MTA3: variants seen among roughly 807,000 people sequenced by gnomAD.
MTA3 encodes the protein metastasis-associated protein MTA3.
MTA3 carries 34 observed loss-of-function variants against 83.5 expected under a neutral mutation model. The ratio of observed to expected loss-of-function variants is 0.41; its 90% CI spans 0.31 to 0.54. MTA3 has a LOEUF of 0.54. Among genes scored for constraint, MTA3 ranks in the 20% least tolerant of loss-of-function variants. The pLI is 0.33. For synonymous variants in MTA3, 303 were observed against 252.7 expected, an observed-to-expected ratio of 1.20 and a Z score of -1.89; for missense variants, 761 against 726.4, an observed-to-expected ratio of 1.05 and a Z score of -0.55.
At chr2:42,693,117 C>T (rs907911435) in intron 9 of MTA3, among the ~76,000 whole-genome samples, 2 of 152,112 alleles carry the variant, frequency 1.3e-5, no homozygotes, top group East Asian at 3.9e-4. Context: ...CCTCCCCCTC[C>T]TTCCTTCTCT....
chr2:42,560,360 C>T (rs559752939), intron 2 of MTA3, among the ~76,000 whole-genome samples: 2 of 151,518 alleles, frequency 1.3e-5, no homozygotes, highest in South Asian at 4.2e-4. Flanking sequence ...AAAAACAAAT[C>T]AAGCTGTGGT....
At chr2:42,711,041 C>T (rs4953580) in intron 14 of MTA3, among the ~76,000 whole-genome samples, 120,578 of 152,068 alleles carry the variant, frequency 0.79, 48,688 homozygotes, top group African/African-American at 0.95. Flanking sequence ...ATCATGCCAC[C>T]GCACTCCAGC....
intron 2 of MTA3, among the ~76,000 whole-genome samples, chr2:42,505,157 G>A (rs140541959): frequency 4.9e-4 from 74 of 152,252 alleles, no homozygotes; most frequent in African/African-American, 1.6e-3. Context: ...ACTTTGGGAG[G>A]CTGAGGTGGG....
At chr2:42,724,647 C>G (rs1335419451) in intron 16 of MTA3, among the ~76,000 whole-genome samples, 1 of 152,042 alleles carries the variant, frequency 6.6e-6, no homozygotes, top group Non-Finnish European at 1.5e-5. Context: ...CACACACACA[C>G]ACACACACAC....
chr2:42,614,929 A>G (rs1684667850), intron 4 of MTA3, among the ~76,000 whole-genome samples: 1 of 150,344 alleles, frequency 6.7e-6, no homozygotes, highest in African/African-American at 2.4e-5. Context: ...GTGAGCCATG[A>G]TTGTGACACT....
chr2:42,696,461 G>A (rs188385101), intron 10 of MTA3, among the ~76,000 whole-genome samples: 18 of 152,092 alleles, frequency 1.2e-4, no homozygotes, highest in East Asian at 1.2e-3. Context: ...AAATGACATC[G>A]GTCAATACTT....
At chr2:42,678,490 A>C (rs1163420995) in intron 8 of MTA3, among the ~76,000 whole-genome samples, 1 of 152,016 alleles carries the variant, frequency 6.6e-6, no homozygotes, top group Non-Finnish European at 1.5e-5. Context: ...GGTGACTGCC[A>C]CCACACCCAG....
intron 2 of MTA3, among the ~76,000 whole-genome samples, chr2:42,524,092 A>G (rs1039742809): frequency 1.3e-5 from 2 of 152,116 alleles, no homozygotes; most frequent in Non-Finnish European, 2.9e-5. Flanking sequence ...GGCCATCCTA[A>G]GAAACATCTT....
At chr2:42,668,876 CA>C (rs1408854947) in intron 8 of MTA3, among the ~76,000 whole-genome samples, 1 of 152,078 alleles carries the variant, frequency 6.6e-6, no homozygotes, top group African/African-American at 2.4e-5. Context: ...AATTTCCCAT[CA>C]AGAATAACTT....
At chr2:42,619,683 G>T (rs1302419574) in intron 4 of MTA3, among the ~76,000 whole-genome samples, 1 of 152,158 alleles carries the variant, frequency 6.6e-6, no homozygotes. Flanking sequence ...AAAAGGGAAG[G>T]ACTAACAACA....
intron 2 of MTA3, among the ~76,000 whole-genome samples, chr2:42,555,733 A>C (rs1273532837): frequency 6.6e-6 from 1 of 151,912 alleles, no homozygotes; most frequent in Non-Finnish European, 1.5e-5. Flanking sequence ...GTGCTACTGC[A>C]TTCCAGCCTG....
chr2:42,619,125 A>C (rs2104173172), intron 4 of MTA3, among the ~76,000 whole-genome samples: 1 of 152,364 alleles, frequency 6.6e-6, no homozygotes, highest in Admixed American at 6.5e-5. Flanking sequence ...GAACAACGGA[A>C]CAGCAAGAGG....
At chr2:42,653,289 C>T (rs949633742) in intron 6 of MTA3, among the ~76,000 whole-genome samples, 7 of 151,800 alleles carry the variant, frequency 4.6e-5, no homozygotes, top group African/African-American at 1.2e-4. Flanking sequence ...GATTATCATA[C>T]GTGGAGGAGG....
At chr2:42,510,641 T>G (rs1674855918) in intron 2 of MTA3, among the ~76,000 whole-genome samples, 1 of 152,196 alleles carries the variant, frequency 6.6e-6, no homozygotes, top group Admixed American at 6.6e-5. Flanking sequence ...GCTTAGAAAC[T>G]ATAGAAAATA....
rs753831592 is a variant in MTA3 at position 42,682,446 on chromosome 2, A to C, written c.748A>C (p.Ser250Arg). 1.2e-5 allele frequency: 20 copies of C among 1,611,852 alleles called. No homozygotes were observed. The highest frequency in any genetic ancestry group is 1.6e-5 in the Non-Finnish European group (19 of 1,178,956). The change falls in exon 9 of 17, where the codon AGT (serine) becomes CGT (arginine). Residue 250 changes from serine (S) to arginine (R), a missense_variant. Transcript: ENST00000405094. ...TLYRHSYDLSSAISVLVPLGG... is the reference protein window; with the variant it reads ...TLYRHSYDLSRAISVLVPLGG... Reference sequence around the variant, plus strand: ...GTATAGACACAGCTATGATTTGAGCAGTGCCATTAGTGTCTTAGTACCACT... The same window carrying C: ...GTATAGACACAGCTATGATTTGAGCCGTGCCATTAGTGTCTTAGTACCACT...
chr2:42,548,345 G>A (rs1267304190), intron 2 of MTA3, among the ~76,000 whole-genome samples: 4 of 151,966 alleles, frequency 2.6e-5, no homozygotes, highest in African/African-American at 4.8e-5. Flanking sequence ...ACTCACCTGC[G>A]ATCCCAGCTA....
At chr2:42,499,877 T>A (rs1386236014) in intron 2 of MTA3, among the ~76,000 whole-genome samples, 2 of 151,910 alleles carry the variant, frequency 1.3e-5, no homozygotes, top group African/African-American at 4.8e-5. Flanking sequence ...TGTATACTCA[T>A]CTCCAAACCC....
chr2:42,666,523 C>T (rs1158054230), intron 8 of MTA3, among the ~76,000 whole-genome samples: 1 of 152,182 alleles, frequency 6.6e-6, no homozygotes, highest in African/African-American at 2.4e-5. Flanking sequence ...ACAGGACTTG[C>T]ATGTTCAGGT....
At chr2:42,651,630 T>C (rs1014245030) in intron 6 of MTA3, among the ~76,000 whole-genome samples, 5 of 148,956 alleles carry the variant, frequency 3.4e-5, no homozygotes, top group Admixed American at 2.7e-4. Flanking sequence ...ACTCCATCTC[T>C]ACTAAAAATA....
Sources: allele counts gnomAD v4.1 joint callset (sites outside exome capture counted in the v4.1 genomes callset), GRCh38; gene constraint gnomAD v4.1.1; transcripts MANE v1.5; gene names NCBI Gene and HGNC (gene_info 2026-07-23, HGNC 2026-07-21).